The following NTRK3 variants were observed in gnomAD, a reference collection of about 807,000 sequenced individuals.
NTRK3 encodes the protein NT-3 growth factor receptor.
NTRK3 carries 24 observed loss-of-function variants against 91.7 expected under a neutral mutation model. The observed-to-expected ratio is 0.26, with a 90% CI of 0.19 to 0.37. The LOEUF (loss-of-function observed/expected upper bound fraction) is 0.37. Ranked by LOEUF, NTRK3 falls within the 10% of genes least tolerant of loss-of-function variation. The pLI is 1.00. For synonymous variants in NTRK3, 483 were observed against 404.0 expected, an observed-to-expected ratio of 1.20 and a Z score of -2.34; for missense variants, 880 against 1,068.9, an observed-to-expected ratio of 0.82 and a Z score of 2.46.
chr15:87,970,552 A>T (rs903281716), intron 14 of NTRK3, among the ~76,000 whole-genome samples: 3 of 152,240 alleles, frequency 2.0e-5, no homozygotes, highest in Non-Finnish European at 4.4e-5. Flanking sequence ...CTATTAATAG[A>T]TATTAAATGA....
rs184049918 is a variant in NTRK3, at chr15:88,182,467, T to G, written c.395+951A>C. Among the ~76,000 whole-genome samples, 17 of 152,252 alleles carry G rather than the reference T, an allele frequency of 1.1e-4. No homozygotes were observed. In the East Asian group the frequency reaches 2.9e-3, roughly 26 times the overall value. ...CCGTTACCAAATGCAAAGTGCTCAG[T>G]CAGTGAAACTTTTAAGTGGCCACAG... On this transcript the variant is annotated intron_variant, in intron 5 of 18. Transcript: ENST00000394480.
In NTRK3 at chr15:88,160,126, C is replaced by A. The variant is rs959261735; in HGVS notation, c.396-12723G>T. Among the ~76,000 whole-genome samples, 7 of 152,106 alleles carry A rather than the reference C, an allele frequency of 4.6e-5. 1 individual carries two copies. The South Asian group carries it at 1.4e-3, about 31-fold the overall frequency. On this transcript the variant is annotated intron_variant, in intron 5 of 18. Coordinates refer to ENST00000394480, the Ensembl canonical transcript of NTRK3. The stretch of plus-strand genomic sequence containing the variant: ...AGAGAGCAGAGGAGAAAACAGGACT[C>A]GGACGAGAGCATCCAAACCAATGAG...
At chr15:88,250,870 A>G (rs2053279354) in intron 3 of NTRK3, among the ~76,000 whole-genome samples, 1 of 152,270 alleles carries the variant, frequency 6.6e-6, no homozygotes, top group Admixed American at 6.5e-5. Context: ...TATACATTAA[A>G]TATGAAATAT....
intron 3 of NTRK3, among the ~76,000 whole-genome samples, chr15:88,189,076 C>G (rs1001850249): frequency 6.6e-6 from 1 of 152,166 alleles, no homozygotes; most frequent in Non-Finnish European, 1.5e-5. Flanking sequence ...ACATTGACCT[C>G]CAGAGTCAGA....
chr15:87,947,636 C>A (rs997569385), intron 14 of NTRK3, among the ~76,000 whole-genome samples: 4 of 151,580 alleles, frequency 2.6e-5, no homozygotes, highest in Non-Finnish European at 5.9e-5. Context: ...CAAGGTGAGT[C>A]CTGAGCGTGA....
In NTRK3 at chr15:88,237,042, G is replaced by A. The variant is rs888174005; in HGVS notation, c.248+18864C>T. Among the ~76,000 whole-genome samples, 6 of 152,124 alleles carry A rather than the reference G, an allele frequency of 3.9e-5. No homozygotes were observed. The highest frequency in any genetic ancestry group is 6.6e-5 in the Admixed American group (1 of 15,264). On this transcript the variant is annotated intron_variant, in intron 3 of 18. Transcript: ENST00000394480. This position sits in a 1 kb window ranked among gnomAD's most constrained non-coding sequence, Gnocchi z 4.0. ...TTAGCTCAAAAAGTGAAAAAGAATC[G>A]AAGTCTAATTTTATGACATACATGC...
chr15:88,145,062 C>T (rs2042759547), intron 6 of NTRK3, among the ~76,000 whole-genome samples: 1 of 152,186 alleles, frequency 6.6e-6, no homozygotes, highest in African/African-American at 2.4e-5. Flanking sequence ...CCTGGAAATA[C>T]ACAACCCATC....
intron 13 of NTRK3, among the ~76,000 whole-genome samples, chr15:88,079,509 G>C (rs1472785600): frequency 6.6e-6 from 1 of 152,212 alleles, no homozygotes; most frequent in Non-Finnish European, 1.5e-5. Flanking sequence ...GCAGGCACGT[G>C]CTCTCAGCTC....
chr15:88,067,973 C>T (rs1368784554), intron 13 of NTRK3, among the ~76,000 whole-genome samples: 2 of 152,214 alleles, frequency 1.3e-5, no homozygotes, highest in East Asian at 3.9e-4. Context: ...TTACAGGATC[C>T]ACATCTTACG....
intron 16 of NTRK3, among the ~76,000 whole-genome samples, chr15:87,932,340 C>T (rs935353041): frequency 3.9e-5 from 6 of 152,172 alleles, no homozygotes; most frequent in African/African-American, 1.2e-4. Flanking sequence ...AAACTAGCCA[C>T]ATGTGACTAA....
intron 14 of NTRK3, among the ~76,000 whole-genome samples, chr15:87,967,820 G>A (rs1472334094): frequency 6.6e-6 from 1 of 152,184 alleles, no homozygotes. Flanking sequence ...TAGCCAGTTT[G>A]CTTTAAGTCA....
At chr15:87,885,067 T>C (rs2065461246) in intron 17 of NTRK3, among the ~76,000 whole-genome samples, 1 of 151,862 alleles carries the variant, frequency 6.6e-6, no homozygotes, top group African/African-American at 2.4e-5. Context: ...TTTAGCAGCC[T>C]ACCCAGAAAT....
chr15:87,870,154 A>T (rs1458017528), exon 19 of NTRK3: 2 of 185,290 alleles, frequency 1.1e-5, no homozygotes, highest in Admixed American at 6.3e-5. Context: ...ATGCCCATCA[A>T]TCAATGAGCA....
At chr15:88,072,137 C>T (rs542855984) in intron 13 of NTRK3, among the ~76,000 whole-genome samples, 10 of 151,548 alleles carry the variant, frequency 6.6e-5, no homozygotes, top group African/African-American at 2.4e-4. Flanking sequence ...TCCTGAGTAG[C>T]TGGGATTACA....
intron 13 of NTRK3, among the ~76,000 whole-genome samples, chr15:88,087,944 G>C (rs899731941): frequency 1.3e-5 from 2 of 152,134 alleles, no homozygotes; most frequent in Admixed American, 6.5e-5. Flanking sequence ...CCAGCTACTA[G>C]GGAGGCTGAC....
At chr15:87,990,813 T>G (rs1469268856) in intron 14 of NTRK3, among the ~76,000 whole-genome samples, 1 of 152,186 alleles carries the variant, frequency 6.6e-6, no homozygotes, top group African/African-American at 2.4e-5. Context: ...ATGCCCACAC[T>G]CTCAGTCTCT....
At chr15:88,103,298 G>A (rs746166772) in intron 13 of NTRK3, among the ~76,000 whole-genome samples, 1 of 152,098 alleles carries the variant, frequency 6.6e-6, no homozygotes, top group Non-Finnish European at 1.5e-5. Flanking sequence ...AAAAACTGAG[G>A]CATCCCAGAG....
chr15:88,161,477 A>G (rs535962700), intron 5 of NTRK3, among the ~76,000 whole-genome samples: 162 of 152,244 alleles, frequency 1.1e-3, no homozygotes, highest in African/African-American at 3.7e-3. Flanking sequence ...ATTCTTAGGT[A>G]AAATTTGGAA....
At chr15:88,057,435 T>C (rs1363893674) in intron 13 of NTRK3, among the ~76,000 whole-genome samples, 1 of 150,534 alleles carries the variant, frequency 6.6e-6, no homozygotes, top group Non-Finnish European at 1.5e-5. Flanking sequence ...GAGGTGGAGG[T>C]TGCAGTGAGC....
Sources: gnomAD v4.1 joint callset for allele counts (sites outside exome capture counted in the v4.1 genomes callset) on GRCh38, gnomAD v4.1.1 for gene constraint, Gnocchi (gnomAD v3.1) non-coding constraint, MANE v1.5 for transcripts, NCBI Gene and HGNC (gene_info 2026-07-23, HGNC 2026-07-21) for gene names.